Variants in URI1 observed in about 807,000 individuals in gnomAD.
URI1 encodes the protein unconventional prefoldin RPB5 interactor 1.
In URI1, 39 loss-of-function variants were observed where a neutral mutation model predicts 60.2. The observed-to-expected ratio is 0.65, with a 90% confidence interval of 0.50 to 0.85. The LOEUF (loss-of-function observed/expected upper bound fraction) is 0.85. URI1 is among the 40% of genes least tolerant of loss of function. The pLI, the probability that URI1 is intolerant of heterozygous loss-of-function variation, is 0.00. For synonymous variants in URI1, 251 were observed against 236.8 expected, an observed-to-expected ratio of 1.06 and a Z score of -0.55; for missense variants, 691 against 665.9, an observed-to-expected ratio of 1.04 and a Z score of -0.42.
Position 29,993,873 on chromosome 19 carries a change from A to G in URI1, c.367+7456A>G, listed in dbSNP as rs146085804. Among the ~76,000 whole-genome samples the G allele has an allele frequency of 7.9e-5, 12 of 152,178 alleles. No homozygotes were observed. The East Asian group carries it at 2.1e-3, about 27-fold the overall frequency. On this transcript the variant is annotated intron_variant, in intron 4 of 10. Transcript: ENST00000392271. ...GACTTATGCATTCCTACCCCACCCT[A>G]TACACCTCCACTCAAATTGTAGGCA...
chr19:29,995,528 TTTC>T (rs1303338206), intron 4 of URI1, among the ~76,000 whole-genome samples: 1 of 130,690 alleles, frequency 7.7e-6, no homozygotes, highest in Non-Finnish European at 1.6e-5. Context: ...GCCCTTTTAC[TTTC>T]TTCTTTTATT....
chr19:30,011,108 T>C lies in URI1; in HGVS notation c.1050T>C (p.Thr350=), dbSNP rs549240566. 7.5e-6 allele frequency: 12 copies of C among 1,608,594 alleles called. No homozygotes were observed. In the East Asian group the frequency reaches 2.5e-4, roughly 33 times the overall value. Residue 350 remains threonine (T), a synonymous_variant, in exon 9 of 11, where the codon ACT becomes ACC. Coordinates refer to ENST00000392271, the MANE Select transcript of URI1 (RefSeq NM_003796.3). ...TGAAATTTTAGGTCCGAATAAATAC[T>C]GGAAAGAATACCACTTTAAAATTCA... ...TVEPKRVRIN[T]GKNTTLKFSE... is the part of the protein sequence containing the mutation.
intron 4 of URI1, among the ~76,000 whole-genome samples, chr19:29,991,554 A>T (rs1568435528): frequency 6.6e-6 from 1 of 151,016 alleles, no homozygotes; most frequent in South Asian, 2.1e-4. Flanking sequence ...AATAGCTCCT[A>T]TTTTTTTTTA....
chr19:29,996,479 T>TTGTGTG (rs140817981), intron 4 of URI1, among the ~76,000 whole-genome samples: 1,706 of 150,512 alleles, frequency 0.011, 38 homozygotes, highest in African/African-American at 0.039. Context: ...CAAGGGTGTT[T>TTGTGTG]TGTGTGTGTG....
intron 4 of URI1, among the ~76,000 whole-genome samples, chr19:29,999,922 A>G (rs2055856996): frequency 6.9e-6 from 1 of 144,948 alleles, no homozygotes; most frequent in South Asian, 2.2e-4. Flanking sequence ...GGCTATTTTT[A>G]CTCTGCTCTT....
At chr19:29,965,950 A>G (rs1007112261) in intron 1 of URI1, among the ~76,000 whole-genome samples, 5 of 152,230 alleles carry the variant, frequency 3.3e-5, no homozygotes, top group East Asian at 1.9e-4. Flanking sequence ...TGGCTAAAAC[A>G]TAAAGGTAAA....
At chr19:30,000,437 A>G (rs914933942) in intron 4 of URI1, among the ~76,000 whole-genome samples, 6 of 151,930 alleles carry the variant, frequency 3.9e-5, no homozygotes, top group African/African-American at 1.4e-4. Flanking sequence ...TGCTTTAAGT[A>G]ACTTTTGGGA....
chr19:29,985,463 A>G (rs904153430), intron 3 of URI1, among the ~76,000 whole-genome samples, 162 bp downstream of exon 3: 2 of 152,236 alleles, frequency 1.3e-5, no homozygotes, highest in African/African-American at 4.8e-5. Flanking sequence ...TAATTGTAGT[A>G]ATTGTTGGTA....
chr19:29,938,207 T>A (rs1444624147), upstream of URI1, among the ~76,000 whole-genome samples: 1 of 152,068 alleles, frequency 6.6e-6, no homozygotes, highest in Non-Finnish European at 1.5e-5. Context: ...CGCAGTTCTG[T>A]GGGCCATACA....
intron 1 of URI1, among the ~76,000 whole-genome samples, chr19:29,957,612 T>G (rs1450898196): frequency 6.6e-6 from 1 of 152,220 alleles, no homozygotes; most frequent in Admixed American, 6.5e-5. Context: ...TTTACTATTC[T>G]GACCCTTTGC....
chr19:29,932,709 T>C (rs1324567940), intron 1 of URI1, among the ~76,000 whole-genome samples: 3 of 149,964 alleles, frequency 2.0e-5, no homozygotes, highest in African/African-American at 7.4e-5. Context: ...TGGAGTGCAG[T>C]GGCACGATCT....
intron 4 of URI1, among the ~76,000 whole-genome samples, chr19:29,992,179 C>T (rs1389255634): frequency 1.3e-5 from 2 of 152,212 alleles, no homozygotes; most frequent in Non-Finnish European, 1.5e-5. Flanking sequence ...AAGTGGTTCT[C>T]CCGCCTCAGC....
At chr19:29,950,887 G>A (rs989184678) in intron 1 of URI1, among the ~76,000 whole-genome samples, 29 of 152,126 alleles carry the variant, frequency 1.9e-4, no homozygotes, top group African/African-American at 6.0e-4. Flanking sequence ...TTTTTGAAGC[G>A]TTAGATCAGT....
Position 30,014,983 on chromosome 19 carries a change from C to T in URI1, c.1522C>T (p.Arg508Ter), listed in dbSNP as rs143034255. 3 of 1,613,728 alleles carry T rather than the reference C, an allele frequency of 1.9e-6. No homozygotes were observed. Among genetic ancestry groups the T allele is most frequent in the Non-Finnish European group, 2.5e-6 (3 of 1,179,750 alleles). Residue 508 changes from arginine to a stop codon, truncating the protein, a stop_gained, in exon 11 of 11, where the codon CGA (arginine) becomes TGA (stop). Coordinates refer to ENST00000392271, the MANE Select transcript of URI1 (RefSeq NM_003796.3). LOFTEE classifies it high-confidence loss of function. ...TCCCGCACTACCCACTATTCCAGAA[C>T]GAAAGGAAGTTCTGTTGGAAGCATC... Reference protein sequence around the residue: ...AHPALPTIPERKEVLLEASEE... With the variant: ...AHPALPTIPE
At chr19:29,995,837 T>C (rs1208891440) in intron 4 of URI1, among the ~76,000 whole-genome samples, 1 of 152,158 alleles carries the variant, frequency 6.6e-6, no homozygotes, top group Non-Finnish European at 1.5e-5. Context: ...GGTTCCAGTT[T>C]TCTCAACACG....
intron 2 of URI1, among the ~76,000 whole-genome samples, chr19:29,975,500 CTTT>C (rs10717602): frequency 8.3e-5 from 6 of 72,350 alleles, no homozygotes; most frequent in South Asian, 5.3e-4. Context: ...GTTCTGTTTA[CTTT>C]TTTTTTTTTT....
chr19:29,992,309 A>G (rs2055756863), intron 4 of URI1, among the ~76,000 whole-genome samples: 1 of 152,178 alleles, frequency 6.6e-6, no homozygotes, highest in Admixed American at 6.5e-5. Context: ...ACCTCAAGTG[A>G]TCTGCCTACC....
chr19:29,929,891 T>A (rs2054901755), intron 1 of URI1, among the ~76,000 whole-genome samples: 1 of 151,920 alleles, frequency 6.6e-6, no homozygotes, highest in Non-Finnish European at 1.5e-5. Context: ...GATTTGCAAG[T>A]GTTTCTTCTC....
At chr19:30,008,925 C>T in intron 7 of URI1, 80 bp from the exon 8 acceptor site, 48 of 1,075,430 alleles carry the variant, frequency 4.5e-5, no homozygotes, top group South Asian at 2.5e-4. Flanking sequence ...TAGTATTTAC[C>T]CATGGAAACT....
Sources: allele counts gnomAD v4.1 joint callset (sites outside exome capture counted in the v4.1 genomes callset), GRCh38; gene constraint gnomAD v4.1.1; transcripts MANE v1.5; gene names NCBI Gene and HGNC (gene_info 2026-07-23, HGNC 2026-07-21).